The following PDE6B variants were observed in gnomAD, a reference collection of about 807,000 sequenced individuals.
PDE6B encodes phosphodiesterase 6B, also known as rod cGMP-specific 3',5'-cyclic phosphodiesterase subunit beta.
Under a neutral mutation model 109.0 loss-of-function variants are expected in PDE6B, and 106 were observed. That is an observed-to-expected ratio of 0.97 (90% CI 0.83 to 1.14). PDE6B has a LOEUF of 1.14. Ranked by LOEUF, PDE6B falls within the 50% of genes most tolerant of loss-of-function variation. The pLI, the probability that PDE6B is intolerant of heterozygous loss-of-function variation, is 0.00. For missense variants in PDE6B, 1,193 were observed against 1,155.6 expected, an observed-to-expected ratio of 1.03 and a Z score of -0.47; for synonymous variants, 490 against 471.3, an observed-to-expected ratio of 1.04 and a Z score of -0.51.
chr4:656,827 A>G, intron 8 of PDE6B, 47 bp from the exon 9 acceptor site: 1 of 1,604,230 alleles, frequency 6.2e-7, no homozygotes, highest in Non-Finnish European at 8.5e-7. Context: ...CGCCCGGGCC[A>G]GGGCCAGCCT....
In PDE6B at chr4:654,065, C is replaced by G; in HGVS notation, c.853-15C>G. The G allele has an allele frequency of 6.2e-7, 1 of 1,613,862 alleles. No homozygotes were observed. Among genetic ancestry groups the G allele is most frequent in the African/African-American group, 1.3e-5 (1 of 75,064 alleles). ...CCCGCAGTGACCGCCCCACCCTCAC[C>G]TCTTCTCTGCCCAGGAATTTTTTGA... On this transcript the variant is annotated splice_polypyrimidine_tract_variant and intron_variant, in intron 4 of 21. Coordinates refer to ENST00000496514, the MANE Select transcript of PDE6B (RefSeq NM_000283.4).
intron 11 of PDE6B, among the ~76,000 whole-genome samples, chr4:659,867 A>G (rs1483365363): frequency 1.3e-5 from 2 of 152,150 alleles, no homozygotes; most frequent in Non-Finnish European, 2.9e-5. Flanking sequence ...TGTCCCCATC[A>G]CCCTGTGTCT....
Position 648,553 on chromosome 4 carries a change from A to ACAAT in PDE6B, c.712-5296_712-5293dup, listed in dbSNP as rs1735325122. Reference sequence around the variant, plus strand: ...CCCTCTGTCCCGGGCCCTCACCTGGACAATCAGGAACTACCTTCTGTCCCA... The same window carrying ACAAT: ...CCCTCTGTCCCGGGCCCTCACCTGGACAATCAATCAGGAACTACCTTCTGTCCCA... On this transcript the variant is annotated intron_variant, in intron 3 of 21. Transcript: ENST00000496514. This position sits in a 1 kb window ranked among gnomAD's most constrained non-coding sequence, Gnocchi z 4.5. 6.6e-6 allele frequency among the ~76,000 whole-genome samples: 1 copy of ACAAT among 152,094 alleles called. No individual in the cohort carries two copies. Among genetic ancestry groups the ACAAT allele is most frequent in the African/African-American group, 2.4e-5 (1 of 41,414 alleles).
chr4:643,128 T>G (rs1483737956), intron 3 of PDE6B, among the ~76,000 whole-genome samples: 3 of 151,918 alleles, frequency 2.0e-5, no homozygotes, highest in Non-Finnish European at 4.4e-5. Flanking sequence ...GCCAACATGG[T>G]GAAACCCCGT....
At chr4:656,770 GTCACGGC>G (rs1470965632) in intron 8 of PDE6B, 97 bp from the exon 9 acceptor site, 2 of 1,062,718 alleles carry the variant, frequency 1.9e-6, no homozygotes, top group East Asian at 4.9e-5. Flanking sequence ...GAGCCCAGCC[GTCACGGC>G]TCTAGGGGAG....
chr4:667,933 G>A lies in PDE6B; in HGVS notation c.2430G>A (p.Leu810=), dbSNP rs757539678. 46 of 1,613,588 alleles carry A rather than the reference G, an allele frequency of 2.9e-5. No homozygotes were observed. The highest frequency in any genetic ancestry group is 3.9e-5 in the Non-Finnish European group (46 of 1,179,762). Residue 810 remains leucine (L), a synonymous_variant, in exon 21 of 22, where the codon CTG becomes CTA. Coordinates refer to ENST00000496514, the MANE Select transcript of PDE6B (RefSeq NM_000283.4). ...ACAATAGGAAAGAGTGGAAGGCGCT[G>A]GCTGATGAGTATGAGGCCAAAGTGA... The part of the protein sequence containing the change: ...LQNNRKEWKA[L]ADEYEAKVKA...
intron 9 of PDE6B, among the ~76,000 whole-genome samples, 159 bp downstream of exon 9, chr4:657,182 G>A (rs572051313): frequency 3.9e-5 from 6 of 152,294 alleles, no homozygotes; most frequent in East Asian, 1.9e-4. Context: ...GGGCCCCCCC[G>A]GGAGCAGGAG....
At position 657,024 on chromosome 4, in the gene PDE6B, G is replaced by A. The variant is rs1348601509; in HGVS notation, c.1257+1G>A. The A allele has an allele frequency of 6.2e-7, 1 of 1,612,980 alleles. No homozygotes were observed. Among genetic ancestry groups the A allele is most frequent in the African/African-American group, 1.3e-5 (1 of 75,070 alleles). On this transcript the variant is annotated splice_donor_variant, in intron 9 of 21. Transcript: ENST00000496514. LOFTEE classifies it high-confidence loss of function. ...CGAACAGGACGAGGTTCTCATGGAGGTAAGCACCTGGGCAGACGTGGTTCC... is the reference window on the plus strand; with the variant it reads ...CGAACAGGACGAGGTTCTCATGGAGATAAGCACCTGGGCAGACGTGGTTCC...
rs764396309 is a variant in PDE6B, at chr4:625,657, T to G, written c.31T>G (p.Phe11Val). Residue 11 changes from phenylalanine (F) to valine (V), a missense_variant, in exon 1 of 22, where the codon TTT becomes GTT. Coordinates refer to ENST00000496514, the MANE Select transcript of PDE6B (RefSeq NM_000283.4). The surrounding 1 kb of genome is among the most constrained non-coding windows in gnomAD (Gnocchi z 5.0). Reference protein sequence around the residue: MSLSEEQARSFLDQNPDFARQ... With the variant: MSLSEEQARSVLDQNPDFARQ... Reference sequence around the variant, plus strand: ...CCTCAGTGAGGAGCAGGCCCGGAGCTTTCTGGACCAGAACCCCGATTTTGC... The same window carrying G: ...CCTCAGTGAGGAGCAGGCCCGGAGCGTTCTGGACCAGAACCCCGATTTTGC... 2 of 1,613,780 alleles carry G rather than the reference T, an allele frequency of 1.2e-6. No individual in the cohort carries two copies. The highest frequency in any genetic ancestry group is 1.7e-6 in the Non-Finnish European group (2 of 1,179,932).
rs776050413 is a variant in PDE6B, at chr4:625,919, G to A, written c.293G>A (p.Arg98His). 1.1e-5 allele frequency: 17 copies of A among 1,600,290 alleles called. No homozygotes were observed. Among genetic ancestry groups the A allele is most frequent in the Middle Eastern group, 3.3e-4 (2 of 6,072 alleles). ...GACCGCTGCAGCCTCTTCATGTACC[G>A]CCAGCGCAACGGCGTGGCCGAGCTG... is the stretch of plus-strand genomic sequence containing the variant. ...QADRCSLFMY[R>H]QRNGVAELAT... is the part of the protein sequence containing the mutation. Residue 98 changes from arginine to histidine, a missense_variant, in exon 1 of 22, where the codon CGC becomes CAC. Coordinates refer to ENST00000496514, the MANE Select transcript of PDE6B (RefSeq NM_000283.4). This position sits in a 1 kb window ranked among gnomAD's most constrained non-coding sequence, Gnocchi z 5.0.
intron 3 of PDE6B, chr4:653,506 G>T: frequency 2.1e-6 from 1 of 478,318 alleles, no homozygotes; most frequent in Non-Finnish European, 3.6e-6. Flanking sequence ...AGCCCTGCTC[G>T]CCGCAGGTGG....
chr4:638,787 C>T (rs1220117229), intron 3 of PDE6B, among the ~76,000 whole-genome samples: 1 of 152,148 alleles, frequency 6.6e-6, no homozygotes, highest in Non-Finnish European at 1.5e-5. Context: ...TGGTGTTTAT[C>T]CTGCACCTTT....
rs546999769 is a variant in PDE6B at position 636,359 on chromosome 4, A to G, written c.711+390A>G. On this transcript the variant is annotated intron_variant, in intron 3 of 21. Coordinates refer to ENST00000496514, the MANE Select transcript of PDE6B (RefSeq NM_000283.4). This position sits in a 1 kb window ranked among gnomAD's most constrained non-coding sequence, Gnocchi z 4.5. ...GCAGGGGCAGGTCCGGCCCTGACTG[A>G]GAGAGGGTGTAGGGGCAGGTCCGGC... Among the ~76,000 whole-genome samples the G allele has an allele frequency of 6.6e-6, 1 of 152,058 alleles. No individual in the cohort carries two copies. The highest frequency in any genetic ancestry group is 2.4e-5 in the African/African-American group (1 of 41,488).
chr4:633,239 G>A lies in PDE6B; in HGVS notation c.469-1438G>A, dbSNP rs772571149. ...GAGCCCTCCCTCAGGGCCCATCCCT[G>A]TTTCAGATCCAATAAAGGGATGCTG... On this transcript the variant is annotated intron_variant, in intron 1 of 21. Transcript: ENST00000496514. The surrounding 1 kb of genome is among the most constrained non-coding windows in gnomAD (Gnocchi z 4.5). 2.6e-5 allele frequency among the ~76,000 whole-genome samples: 4 copies of A among 152,264 alleles called. No homozygotes were observed. Among genetic ancestry groups the A allele is most frequent in the African/African-American group, 9.6e-5 (4 of 41,548 alleles).
intron 1 of PDE6B, among the ~76,000 whole-genome samples, chr4:627,607 A>G (rs924532532): frequency 6.6e-6 from 1 of 152,086 alleles, no homozygotes; most frequent in African/African-American, 2.4e-5. Flanking sequence ...GGAAGCCAGG[A>G]AACTTCACAG....
chr4:639,171 G>A (rs892147680), intron 3 of PDE6B, among the ~76,000 whole-genome samples: 1 of 151,770 alleles, frequency 6.6e-6, no homozygotes, highest in South Asian at 2.1e-4. Context: ...TTGAGACAAG[G>A]CCTCACTCTG....
chr4:652,477 T>C (rs1402324843), intron 3 of PDE6B: 1 of 984,690 alleles, frequency 1.0e-6, no homozygotes. Flanking sequence ...GTTCGTTAGC[T>C]GGAGCTGTGG....
chr4:648,596 G>A lies in PDE6B; in HGVS notation c.712-5256G>A, dbSNP rs144276128. Among the ~76,000 whole-genome samples the A allele has an allele frequency of 6.6e-6, 1 of 152,312 alleles. No homozygotes were observed. The highest frequency in any genetic ancestry group is 6.5e-5 in the Admixed American group (1 of 15,296). ...CTGTCCCAGGCACCCTCCAGCTGGAGGCCCCTGCCATTCCCTTTCTGAAAA... is the reference window on the plus strand; with the variant it reads ...CTGTCCCAGGCACCCTCCAGCTGGAAGCCCCTGCCATTCCCTTTCTGAAAA... On this transcript the variant is annotated intron_variant, in intron 3 of 21. Coordinates refer to ENST00000496514, the MANE Select transcript of PDE6B (RefSeq NM_000283.4). The surrounding 1 kb of genome is among the most constrained non-coding windows in gnomAD (Gnocchi z 4.5).
chr4:660,760 C>T, intron 12 of PDE6B, 147 bp downstream of exon 12: 1 of 724,420 alleles, frequency 1.4e-6, no homozygotes, highest in South Asian at 1.5e-5. Flanking sequence ...AGAGGGCCGA[C>T]ATGTTCATCA....
Sources: allele counts gnomAD v4.1 joint callset (sites outside exome capture counted in the v4.1 genomes callset), GRCh38; gene constraint gnomAD v4.1.1; non-coding constraint Gnocchi (gnomAD v3.1); transcripts MANE v1.5; gene names NCBI Gene and HGNC (gene_info 2026-07-23, HGNC 2026-07-21).